IQUB: variants seen among roughly 807,000 people sequenced by gnomAD.
IQUB encodes the protein IQ motif and ubiquitin domain containing.
IQUB carries 86 observed loss-of-function variants against 86.4 expected under a neutral mutation model. The ratio of observed to expected loss-of-function variants is 1.00; its 90% CI spans 0.84 to 1.19. The LOEUF (loss-of-function observed/expected upper bound fraction) is 1.19. Among genes scored for constraint, IQUB ranks in the 50% most tolerant of loss-of-function variants. The probability of loss-of-function intolerance (pLI) is 0.00; values close to 1 mark genes in which losing one functional copy is unlikely to be tolerated. For synonymous variants in IQUB, 289 were observed against 304.5 expected (o/e 0.95, Z 0.53); for missense variants, 946 against 916.9 (o/e 1.03, Z -0.41).
At chr7:123,502,829 T>G in intron 5 of IQUB, 77 bp from the exon 6 acceptor site, 1 of 1,371,492 alleles carries the variant, frequency 7.3e-7, no homozygotes, top group Non-Finnish European at 1.0e-6. Flanking sequence ...ATATGTGAGT[T>G]CATTTTCTTT....
At chr7:123,470,678 CG>C (rs1436295795) in intron 8 of IQUB, among the ~76,000 whole-genome samples, 1 of 151,924 alleles carries the variant, frequency 6.6e-6, no homozygotes, top group Non-Finnish European at 1.5e-5. Flanking sequence ...GGTGAAACCC[CG>C]TCTCTACTAA....
intron 7 of IQUB, 47 bp downstream of exon 7, chr7:123,496,649 A>G: frequency 1.8e-6 from 2 of 1,131,140 alleles, no homozygotes; most frequent in Non-Finnish European, 2.5e-6. Flanking sequence ...TTTTCCTATT[A>G]ATGAAGAATT....
At position 123,452,668 on chromosome 7, in the gene IQUB, A is replaced by G; in HGVS notation, c.*75T>C. The stretch of plus-strand genomic sequence containing the variant: ...AATAAACAGATTAAATTCCATTTCC[A>G]TACTCTGTGACCTCTGTATTACCCT... On this transcript the variant is annotated 3_prime_UTR_variant, in exon 13 of 13. Coordinates refer to ENST00000324698, the MANE Select transcript of IQUB (RefSeq NM_178827.5). 1 of 918,666 alleles carries G rather than the reference A, an allele frequency of 1.1e-6. No individual in the cohort carries two copies. Among genetic ancestry groups the G allele is most frequent in the East Asian group, 2.5e-5 (1 of 39,302 alleles). 56.9% of individuals were successfully genotyped at this position (918,666 alleles called of 1,614,324 possible).
At chr7:123,514,047 A>C (rs1264118772) in intron 1 of IQUB, among the ~76,000 whole-genome samples, 1 of 152,236 alleles carries the variant, frequency 6.6e-6, no homozygotes, top group Non-Finnish European at 1.5e-5. Flanking sequence ...ATATATACCA[A>C]ACAGGTTAAA....
intron 6 of IQUB, among the ~76,000 whole-genome samples, chr7:123,498,627 G>T (rs1218737778): frequency 6.6e-6 from 1 of 152,194 alleles, no homozygotes; most frequent in African/African-American, 2.4e-5. Flanking sequence ...TAGCAAAGCA[G>T]TTTAGGGCTC....
Position 123,503,200 on chromosome 7 carries a change from A to G in IQUB, c.694+2T>C. ...TTATCTAAAAGACATCAAATAACGAACCAGTTTGGACAGTGACAGTTATGA... is the reference window on the plus strand; with the variant it reads ...TTATCTAAAAGACATCAAATAACGAGCCAGTTTGGACAGTGACAGTTATGA... On this transcript the variant is annotated splice_donor_variant, in intron 4 of 12. Coordinates refer to ENST00000324698, the MANE Select transcript of IQUB (RefSeq NM_178827.5). LOFTEE classifies it high-confidence loss of function. The G allele has an allele frequency of 1.2e-6, 2 of 1,608,742 alleles. No homozygotes were observed. The highest frequency in any genetic ancestry group is 1.7e-6 in the Non-Finnish European group (2 of 1,178,110).
intron 6 of IQUB, among the ~76,000 whole-genome samples, chr7:123,497,628 A>G (rs1287686619): frequency 6.6e-6 from 1 of 151,838 alleles, no homozygotes; most frequent in Non-Finnish European, 1.5e-5. Flanking sequence ...TAAACTCATA[A>G]ATAAAAATAA....
chr7:123,529,740 A>AAAAAAC (rs1797433997), intron 1 of IQUB, among the ~76,000 whole-genome samples: 2 of 147,880 alleles, frequency 1.4e-5, no homozygotes, highest in South Asian at 2.1e-4. Context: ...AAAAAAAAAA[A>AAAAAAC]AAAAAAAAAA....
chr7:123,480,665 G>A (rs1794965181), intron 7 of IQUB, among the ~76,000 whole-genome samples: 1 of 151,780 alleles, frequency 6.6e-6, no homozygotes, highest in Non-Finnish European at 1.5e-5. Flanking sequence ...ATTACATCCT[G>A]GTGTCTGCTT....
chr7:123,492,301 G>A (rs924968501), intron 7 of IQUB, among the ~76,000 whole-genome samples: 2 of 152,164 alleles, frequency 1.3e-5, no homozygotes, highest in African/African-American at 4.8e-5. Flanking sequence ...CTAAAGGAAC[G>A]ACTGGATGTT....
chr7:123,462,905 A>C, intron 10 of IQUB: 1 of 447,420 alleles, frequency 2.2e-6, no homozygotes. Flanking sequence ...TTTAAGCTAC[A>C]GAATTAAACT....
chr7:123,505,586 G>A (rs1917707), intron 3 of IQUB, among the ~76,000 whole-genome samples: 151,820 of 152,298 alleles, frequency 1, 75,674 homozygotes, highest in Middle Eastern at 1. Flanking sequence ...ATGGCCTGAG[G>A]CATATCTGGA....
chr7:123,524,893 G>A (rs931929680), intron 1 of IQUB, among the ~76,000 whole-genome samples: 16 of 151,694 alleles, frequency 1.1e-4, no homozygotes, highest in African/African-American at 3.6e-4. Flanking sequence ...CTAATTTATT[G>A]AGAGTTTTTA....
At chr7:123,486,809 C>T (rs1795229113) in intron 7 of IQUB, among the ~76,000 whole-genome samples, 1 of 152,152 alleles carries the variant, frequency 6.6e-6, no homozygotes, top group Admixed American at 6.5e-5. Context: ...TATCAGGACT[C>T]CTGGGCTTTG....
chr7:123,489,870 A>G (rs1053037805), intron 7 of IQUB, among the ~76,000 whole-genome samples: 4 of 152,050 alleles, frequency 2.6e-5, no homozygotes, highest in Non-Finnish European at 5.9e-5. Context: ...TATAAAAATC[A>G]CATATTCTCA....
intron 1 of IQUB, among the ~76,000 whole-genome samples, chr7:123,515,468 C>T (rs779689488): frequency 9.9e-5 from 15 of 152,066 alleles, no homozygotes; most frequent in Non-Finnish European, 1.9e-4. Context: ...AGACACTTCA[C>T]CAAAGAATAC....
intron 1 of IQUB, among the ~76,000 whole-genome samples, chr7:123,531,920 A>T (rs1797553557): frequency 6.6e-6 from 1 of 152,216 alleles, no homozygotes; most frequent in Non-Finnish European, 1.5e-5. Flanking sequence ...CTGGGACTTC[A>T]GCACAGAGGT....
chr7:123,523,505 T>C (rs896391791), intron 1 of IQUB, among the ~76,000 whole-genome samples: 6 of 152,208 alleles, frequency 3.9e-5, no homozygotes, highest in African/African-American at 1.2e-4. Context: ...TGTCTTCTTT[T>C]GAGAAGTGTC....
chr7:123,518,784 CA>C (rs1025166627), intron 1 of IQUB, among the ~76,000 whole-genome samples: 11 of 150,274 alleles, frequency 7.3e-5, no homozygotes, highest in African/African-American at 2.4e-4. Context: ...AGTAGATACA[CA>C]GTTTCACTAT....
Sources: gnomAD v4.1 joint callset for allele counts (sites outside exome capture counted in the v4.1 genomes callset) on GRCh38, gnomAD v4.1.1 for gene constraint, MANE v1.5 for transcripts, NCBI Gene and HGNC (gene_info 2026-07-23, HGNC 2026-07-21) for gene names.